Variants in POLR3H observed in about 807,000 individuals in gnomAD.
POLR3H encodes DNA-directed RNA polymerase III subunit RPC8.
A neutral mutation model predicts 25.5 loss-of-function variants in POLR3H; 17 were observed. The ratio of observed to expected loss-of-function variants is 0.67; its 90% CI spans 0.46 to 1.00. The LOEUF is 1.00. POLR3H is among the 50% of genes least tolerant of loss of function. The pLI, the probability that POLR3H is intolerant of heterozygous loss-of-function variation, is 0.00. For synonymous variants in POLR3H, 129 were observed against 103.0 expected (o/e 1.25, Z -1.53); for missense variants, 274 against 265.0 (o/e 1.03, Z -0.24).
chr22:41,533,827 A>G, intron 2 of POLR3H: 7 of 710,664 alleles, frequency 9.8e-6, no homozygotes, highest in Non-Finnish European at 1.5e-5. Context: ...ATGGCCCAAC[A>G]TTCAGTTTGG....
intron 5 of POLR3H, among the ~76,000 whole-genome samples, chr22:41,529,935 T>A (rs1394430115): frequency 6.6e-6 from 1 of 151,560 alleles, no homozygotes; most frequent in Non-Finnish European, 1.5e-5. Flanking sequence ...TTTTGTATTT[T>A]TAGTAGAGAT....
At chr22:41,532,226 T>C (rs1322866746) in intron 3 of POLR3H, 69 bp from the exon 4 acceptor site, 68 of 1,490,698 alleles carry the variant, frequency 4.6e-5, no homozygotes, top group Non-Finnish European at 6.1e-5. Context: ...TGCGGGGTCT[T>C]ATGCTTGACA....
chr22:41,528,442 CCCA>C lies in POLR3H; in HGVS notation c.*838_*840del. 6.2e-7 allele frequency: 1 copy of C among 1,607,428 alleles called. No homozygotes were observed. The highest frequency in any genetic ancestry group is 1.1e-5 in the South Asian group (1 of 90,264). ...CCTGCGGGGCCAAGGGCACACAGTA[CCCA>C]CCACTTCCACCCACACCCACCTTCT... On this transcript the variant is annotated 3_prime_UTR_variant, in exon 6 of 6. Coordinates refer to ENST00000355209, the MANE Select transcript of POLR3H (RefSeq NM_001018050.4).
intron 2 of POLR3H, among the ~76,000 whole-genome samples, chr22:41,533,196 G>C (rs1363865992): frequency 6.6e-6 from 1 of 152,218 alleles, no homozygotes; most frequent in Non-Finnish European, 1.5e-5. Flanking sequence ...CAGCAGCCCA[G>C]CAAAAATGCC....
chr22:41,543,755 C>A (rs1221969606), intron 1 of POLR3H: 6 of 670,428 alleles, frequency 8.9e-6, no homozygotes, highest in Admixed American at 8.3e-5. Context: ...AACTTGCCTG[C>A]AATTGCAAAG....
rs2066618296 is a variant in POLR3H, at chr22:41,527,205, G to C, written c.*2078C>G. ...GCCTCAGGATGCCCAGGCGCCAGGT[G>C]GGTGAGGCCAGGCAGGTAGGGCCAG... On this transcript the variant is annotated 3_prime_UTR_variant, in exon 6 of 6. Coordinates refer to ENST00000355209, the MANE Select transcript of POLR3H (RefSeq NM_001018050.4). 8.8e-6 allele frequency: 14 copies of C among 1,597,894 alleles called. No homozygotes were observed. In the South Asian group the frequency reaches 1.4e-4, roughly 16 times the overall value.
chr22:41,543,184 G>A (rs549189427), intron 1 of POLR3H, among the ~76,000 whole-genome samples: 2 of 152,304 alleles, frequency 1.3e-5, no homozygotes, highest in Admixed American at 6.5e-5. Flanking sequence ...AGGGAGGACT[G>A]TCAAAGAAAC....
In POLR3H at chr22:41,527,101, G is replaced by A. The variant is rs926105588; in HGVS notation, c.*2182C>T. On this transcript the variant is annotated 3_prime_UTR_variant, in exon 6 of 6. Transcript: ENST00000355209. ...CGTGCCTCTGTCCCCTCGGGGCCTC[G>A]TTTGGGTCTCATTCACGCAGGCTTC... is the stretch of plus-strand genomic sequence containing the variant. The A allele has an allele frequency of 5.9e-5, 48 of 816,524 alleles. No homozygotes were observed. The highest frequency in any genetic ancestry group is 7.9e-5 in the Non-Finnish European group (42 of 531,122). The allele number at this position is 816,524 out of a possible 1,614,324, so 50.6% of individuals were successfully genotyped here.
rs1271425396 is a variant in POLR3H at position 41,528,413 on chromosome 22, C to T, written c.*870G>A. ...CCCAGGCAGTGCCCTGTCTCCCTGA[C>T]CCCCCTGCGGGGCCAAGGGCACACA... On this transcript the variant is annotated 3_prime_UTR_variant, in exon 6 of 6. Coordinates refer to ENST00000355209, the MANE Select transcript of POLR3H (RefSeq NM_001018050.4). 7.6e-6 allele frequency: 12 copies of T among 1,576,482 alleles called. No individual in the cohort carries two copies. Among genetic ancestry groups the T allele is most frequent in the East Asian group, 2.2e-5 (1 of 44,480 alleles).
intron 5 of POLR3H, among the ~76,000 whole-genome samples, chr22:41,530,138 C>A (rs1255671955): frequency 1.3e-5 from 2 of 152,014 alleles, no homozygotes; most frequent in Non-Finnish European, 2.9e-5. Flanking sequence ...CCCTACCCCC[C>A]AATTTTTTAA....
Position 41,527,757 on chromosome 22 carries a change from C to T in POLR3H, c.*1526G>A. ...TAGGGGCACCCCTAGTGAAAGGGAG[C>T]AGACCAGGGCCCCATAGTCACTGCC... On this transcript the variant is annotated 3_prime_UTR_variant, in exon 6 of 6. Transcript: ENST00000355209. The T allele has an allele frequency of 7.4e-7, 1 of 1,359,394 alleles. No individual in the cohort carries two copies. Among genetic ancestry groups the T allele is most frequent in the Non-Finnish European group, 1.0e-6 (1 of 999,836 alleles). 84.2% of individuals were successfully genotyped at this position (1,359,394 alleles called of 1,614,324 possible).
At chr22:41,529,641 A>G in intron 5 of POLR3H, 1 of 674,494 alleles carries the variant, frequency 1.5e-6, no homozygotes, top group East Asian at 3.0e-5. Context: ...AGCAAACACA[A>G]GGCCCATGCT....
In POLR3H at chr22:41,526,443, G is replaced by A. The variant is rs755695367; in HGVS notation, c.*2840C>T. The A allele has an allele frequency of 1.9e-6, 3 of 1,612,224 alleles. No individual in the cohort carries two copies. The highest frequency in any genetic ancestry group is 1.1e-5 in the South Asian group (1 of 90,916). Reference sequence around the variant, plus strand: ...TTTGGCCCCGTCCCTGACACTGCCCGCTACTACAAGGTGGGTCAGAGTTGA... The same window carrying A: ...TTTGGCCCCGTCCCTGACACTGCCCACTACTACAAGGTGGGTCAGAGTTGA... On this transcript the variant is annotated 3_prime_UTR_variant, in exon 6 of 6. Coordinates refer to ENST00000355209, the MANE Select transcript of POLR3H (RefSeq NM_001018050.4).
intron 2 of POLR3H, among the ~76,000 whole-genome samples, chr22:41,538,576 C>T (rs998862053): frequency 3.9e-5 from 6 of 152,142 alleles, no homozygotes; most frequent in Non-Finnish European, 7.4e-5. Context: ...TGACTTTTTT[C>T]TCCAAGTTTT....
chr22:41,533,663 A>G (rs1244660409), intron 2 of POLR3H: 1 of 1,304,028 alleles, frequency 7.7e-7, no homozygotes. Flanking sequence ...GGGCATGAGG[A>G]GAGGCAGCCG....
intron 2 of POLR3H, among the ~76,000 whole-genome samples, chr22:41,534,347 T>C (rs189770912): frequency 2.6e-5 from 4 of 152,320 alleles, no homozygotes; most frequent in African/African-American, 9.6e-5. Flanking sequence ...TGGAATATTA[T>C]GCAGCCTTAC....
chr22:41,538,808 G>A (rs1047433177), intron 2 of POLR3H, among the ~76,000 whole-genome samples: 6 of 152,178 alleles, frequency 3.9e-5, no homozygotes, highest in African/African-American at 9.7e-5. Context: ...ACATCCATGC[G>A]AACTAATTAA....
chr22:41,529,633 C>A (rs1429254986), intron 5 of POLR3H: 1 of 686,094 alleles, frequency 1.5e-6, no homozygotes, highest in Non-Finnish European at 2.7e-6. Context: ...GAAGGCTGAG[C>A]AAACACAAGG....
chr22:41,534,192 G>A (rs2066799887), intron 2 of POLR3H, among the ~76,000 whole-genome samples: 1 of 152,048 alleles, frequency 6.6e-6, no homozygotes, highest in Admixed American at 6.5e-5. Flanking sequence ...GCCCAGTCTG[G>A]GCACTGGGCT....
Sources: allele counts gnomAD v4.1 joint callset (sites outside exome capture counted in the v4.1 genomes callset), GRCh38; gene constraint gnomAD v4.1.1; transcripts MANE v1.5; gene names NCBI Gene and HGNC (gene_info 2026-07-23, HGNC 2026-07-21).